RARRES1: variants seen among roughly 807,000 people sequenced by gnomAD.
RARRES1 encodes the protein retinoic acid receptor responder protein 1.
In RARRES1, 34 loss-of-function variants were observed where a neutral mutation model predicts 30.6. The ratio of observed to expected loss-of-function variants is 1.11; its 90% CI spans 0.84 to 1.48. The LOEUF (loss-of-function observed/expected upper bound fraction) is 1.48. Ranked by LOEUF, RARRES1 falls within the 40% of genes most tolerant of loss-of-function variation. The pLI, the probability that RARRES1 is intolerant of heterozygous loss-of-function variation, is 0.00. For missense variants in RARRES1, 373 were observed against 386.5 expected (o/e 0.97, Z 0.29); for synonymous variants, 153 against 155.5 (o/e 0.98, Z 0.12).
intron 2 of RARRES1, among the ~76,000 whole-genome samples, chr3:158,711,852 C>T (rs1727146887): frequency 6.6e-6 from 1 of 152,096 alleles, no homozygotes; most frequent in South Asian, 2.1e-4. Context: ...CCTTGGCTTC[C>T]CAAAGTGCTG....
chr3:158,701,355 C>G (rs1726716515), intron 4 of RARRES1, among the ~76,000 whole-genome samples: 1 of 150,922 alleles, frequency 6.6e-6, no homozygotes, highest in African/African-American at 2.4e-5. Context: ...GCATTTCAGT[C>G]TTTCTTTTTT....
chr3:158,701,186 A>G (rs1000300190), intron 4 of RARRES1, among the ~76,000 whole-genome samples: 13 of 152,112 alleles, frequency 8.5e-5, no homozygotes, highest in African/African-American at 3.1e-4. Context: ...ACGTTTCTCA[A>G]TTCATATTAA....
At chr3:158,711,035 T>A in intron 2 of RARRES1, 102 bp from the exon 3 acceptor site, 3 of 929,188 alleles carry the variant, frequency 3.2e-6, no homozygotes, top group Non-Finnish European at 4.8e-6. Flanking sequence ...AGGCAGGCTC[T>A]GGCATCAATA....
chr3:158,725,025 C>T (rs116505107), intron 1 of RARRES1, among the ~76,000 whole-genome samples: 16 of 152,172 alleles, frequency 1.1e-4, no homozygotes, highest in African/African-American at 3.1e-4. Context: ...GGTCTCATCA[C>T]GTTGCCCAGG....
chr3:158,720,233 GGTGTGTGTGTGT>G (rs781535998), intron 1 of RARRES1, among the ~76,000 whole-genome samples: 3 of 139,266 alleles, frequency 2.2e-5, no homozygotes, highest in African/African-American at 8.3e-5. Context: ...GCTGGCTGCT[GGTGTGTGTGTGT>G]GTGTGTGTGT....
In RARRES1 at chr3:158,732,237, T is replaced by A; in HGVS notation, c.179A>T (p.Gln60Leu). 2 of 1,390,466 alleles carry A rather than the reference T, an allele frequency of 1.4e-6. No individual in the cohort carries two copies. Among genetic ancestry groups the A allele is most frequent in the South Asian group, 3.3e-5 (2 of 60,918 alleles). The allele number at this position is 1,390,466 out of a possible 1,614,324, so 86.1% of individuals were successfully genotyped here. The change falls in exon 1 of 6, where the codon CAG becomes CTG. Residue 60 changes from glutamine to leucine, a missense_variant. Gln to Leu is a moderately radical substitution (Grantham distance 113, BLOSUM62 -2). Coordinates refer to ENST00000237696, the MANE Select transcript of RARRES1 (RefSeq NM_206963.2). Reference protein sequence around the residue: ...QDAGVPRRLLQQAARAALHFF... With the variant: ...QDAGVPRRLLLQAARAALHFF... ...GTGAAGCGCCGCGCGCGCCGCCTGC[T>A]GCAGGAGCCTGCGCGGGACCCCAGC... is the stretch of plus-strand genomic sequence containing the variant.
intron 2 of RARRES1, among the ~76,000 whole-genome samples, chr3:158,711,503 A>G (rs780000067): frequency 6.6e-6 from 1 of 151,978 alleles, no homozygotes; most frequent in Non-Finnish European, 1.5e-5. Flanking sequence ...TCATCTCTCT[A>G]TGCCAAGATC....
rs1411884373 is a variant in RARRES1, at chr3:158,710,879, A to T, written c.394T>A (p.Phe132Ile). 6.2e-7 allele frequency: 1 copy of T among 1,614,116 alleles called. No individual in the cohort carries two copies. Among genetic ancestry groups the T allele is most frequent in the Non-Finnish European group, 8.5e-7 (1 of 1,179,980 alleles). ...GTTGGTCTGGGTTTCTGATTCTTGA[A>T]AAACACTCGAGCAGAACATTTCCCC... The part of the protein sequence containing the change: ...RLGKCSARVF[F>I]KNQKPRPTIN... The change falls in exon 3 of 6, where the codon TTC (phenylalanine) becomes ATC (isoleucine). Residue 132 changes from phenylalanine (F) to isoleucine (I), a missense_variant. By Grantham distance (21) the Phe-to-Ile change is conservative. Transcript: ENST00000237696.
At chr3:158,729,956 G>A (rs1326132417) in intron 1 of RARRES1, among the ~76,000 whole-genome samples, 4 of 152,104 alleles carry the variant, frequency 2.6e-5, no homozygotes, top group Non-Finnish European at 5.9e-5. Flanking sequence ...CTCAAGGTCC[G>A]TTATCTCACT....
chr3:158,704,168 T>C (rs771348194), intron 4 of RARRES1, among the ~76,000 whole-genome samples: 11 of 149,086 alleles, frequency 7.4e-5, no homozygotes, highest in Non-Finnish European at 1.2e-4. Flanking sequence ...GCCACCACCC[T>C]GGTCCAAGCC....
intron 1 of RARRES1, among the ~76,000 whole-genome samples, chr3:158,724,142 G>T (rs1281546785): frequency 6.6e-6 from 1 of 152,146 alleles, no homozygotes; most frequent in Non-Finnish European, 1.5e-5. Context: ...TAGCAAGGCT[G>T]CAGAGGTCAG....
chr3:158,727,727 G>A (rs550198878), intron 1 of RARRES1, among the ~76,000 whole-genome samples: 2 of 152,306 alleles, frequency 1.3e-5, no homozygotes, highest in East Asian at 3.9e-4. Flanking sequence ...TGTAATACTA[G>A]AAAAGTAAAA....
At chr3:158,708,768 G>A (rs1030868015) in intron 3 of RARRES1, among the ~76,000 whole-genome samples, 15 of 151,962 alleles carry the variant, frequency 9.9e-5, no homozygotes, top group Non-Finnish European at 1.8e-4. Flanking sequence ...TGGTTCAAGC[G>A]CGATTCTTTT....
rs1727568396 is a variant in RARRES1 at position 158,723,038 on chromosome 3, T to G, written c.276+9102A>C. 6.6e-6 allele frequency among the ~76,000 whole-genome samples: 1 copy of G among 152,090 alleles called. No individual in the cohort carries two copies. Among genetic ancestry groups the G allele is most frequent in the Admixed American group, 6.5e-5 (1 of 15,268 alleles). On this transcript the variant is annotated intron_variant, in intron 1 of 5. Transcript: ENST00000237696. The surrounding 1 kb of genome is among the most constrained non-coding windows in gnomAD (Gnocchi z 4.4). ...CAAAGACATGATTCTGCCCAAAGCT[T>G]CTCTACAGAAAACACTTCCCATTTT...
intron 4 of RARRES1, among the ~76,000 whole-genome samples, chr3:158,704,123 A>G (rs1479439172): frequency 2.0e-5 from 3 of 151,590 alleles, no homozygotes; most frequent in African/African-American, 4.9e-5. Flanking sequence ...AATACTGTCA[A>G]TCTGCCAGAA....
chr3:158,720,517 A>G (rs1488862380), intron 1 of RARRES1, among the ~76,000 whole-genome samples: 2 of 148,222 alleles, frequency 1.3e-5, no homozygotes, highest in Admixed American at 1.3e-4. Context: ...CAGCAGGGCC[A>G]TGCTTCCTCT....
chr3:158,729,513 C>A (rs1279678972), intron 1 of RARRES1, among the ~76,000 whole-genome samples: 2 of 151,990 alleles, frequency 1.3e-5, no homozygotes, highest in Admixed American at 6.5e-5. Context: ...TGCAGTGGCA[C>A]CATCTTGGCT....
intron 4 of RARRES1, among the ~76,000 whole-genome samples, chr3:158,699,943 A>G (rs1012574010): frequency 1.3e-5 from 2 of 152,118 alleles, no homozygotes; most frequent in Non-Finnish European, 1.5e-5. Flanking sequence ...ATCTATCCCA[A>G]GATGTCCCAC....
intron 1 of RARRES1, among the ~76,000 whole-genome samples, chr3:158,717,485 G>A (rs1439078933): frequency 1.3e-5 from 2 of 152,226 alleles, no homozygotes; most frequent in Non-Finnish European, 2.9e-5. Flanking sequence ...GGGGAGGAGA[G>A]CTGGCAAGGG....
Sources: gnomAD v4.1 joint callset for allele counts (sites outside exome capture counted in the v4.1 genomes callset) on GRCh38, gnomAD v4.1.1 for gene constraint, Gnocchi (gnomAD v3.1) non-coding constraint, MANE v1.5 for transcripts, NCBI Gene and HGNC (gene_info 2026-07-23, HGNC 2026-07-21) for gene names.